PRUNE2: variants seen among roughly 807,000 people sequenced by gnomAD.
PRUNE2 encodes protein prune homolog 2.
A neutral mutation model predicts 252.0 loss-of-function variants in PRUNE2; 164 were observed. That is an observed-to-expected ratio of 0.65 (90% CI 0.57 to 0.74). The LOEUF is 0.74. PRUNE2 is among the 30% of genes least tolerant of loss of function. The probability of loss-of-function intolerance (pLI) is 0.00; values close to 1 mark genes in which losing one functional copy is unlikely to be tolerated. For synonymous variants in PRUNE2, 1,292 were observed against 1,350.2 expected, an observed-to-expected ratio of 0.96 and a Z score of 0.94; for missense variants, 3,495 against 3,711.0, an observed-to-expected ratio of 0.94 and a Z score of 1.51.
rs1244457764 is a variant in PRUNE2, at chr9:76,707,876, A to G, written c.4398T>C (p.Thr1466=). 4.3e-6 allele frequency: 7 copies of G among 1,613,720 alleles called. No individual in the cohort carries two copies. Among genetic ancestry groups the G allele is most frequent in the Non-Finnish European group, 5.1e-6 (6 of 1,179,800 alleles). Residue 1466 remains threonine (T), a synonymous_variant, in exon 8 of 19, where the codon ACT becomes ACC. Coordinates refer to ENST00000376718, the MANE Select transcript of PRUNE2 (RefSeq NM_015225.3). ...CTGGCTCTAGAAAGTTACATTCTTC[A>G]GTTTTCTCAAGATCCTTTTCAGGTA... is the stretch of plus-strand genomic sequence containing the variant. ...VSVPEKDLEK[T]EECNFLEPEN...
At chr9:76,702,609 G>GTGAATGAATGAATGAATGAATGAATGAA (rs59841123) in intron 9 of PRUNE2, among the ~76,000 whole-genome samples, 5 of 150,802 alleles carry the variant, frequency 3.3e-5, no homozygotes, top group South Asian at 2.1e-4. Context: ...AAACCACATG[G>GTGAATGAATGAATGAATGAATGAATGAA]TGAATGAATG....
At chr9:76,794,366 C>G (rs890980328) in intron 6 of PRUNE2, among the ~76,000 whole-genome samples, 6 of 152,130 alleles carry the variant, frequency 3.9e-5, no homozygotes, top group African/African-American at 1.4e-4. Context: ...CCTCTAATCC[C>G]AGCACTTTGG....
chr9:76,837,078 A>G (rs1394862619), intron 4 of PRUNE2, among the ~76,000 whole-genome samples: 2 of 152,224 alleles, frequency 1.3e-5, no homozygotes, highest in Non-Finnish European at 2.9e-5. Flanking sequence ...AGAGAAAAAC[A>G]TCAGCATGCA....
Position 76,649,680 on chromosome 9 carries a change from C to T in PRUNE2, c.8557+2803G>A, listed in dbSNP as rs111870102. Among the ~76,000 whole-genome samples the T allele has an allele frequency of 3.3e-3, 495 of 152,162 alleles. 2 individuals are homozygous for T. The highest frequency in any genetic ancestry group is 0.011 in the African/African-American group (466 of 41,532). ...TTTGTCTCAGTAAATATAAATCCTG[C>T]TCATTTTTAAGAGTAGCCCTCAAGT... On this transcript the variant is annotated intron_variant, in intron 11 of 18. Transcript: ENST00000376718.
chr9:76,905,869 C>T, intron 1 of PRUNE2, 59 bp downstream of exon 1: 1 of 1,608,446 alleles, frequency 6.2e-7, no homozygotes, highest in Non-Finnish European at 8.5e-7. Context: ...CTTTTCCTCT[C>T]CACCTTTCCA....
At chr9:76,793,839 C>T (rs1038545697) in intron 6 of PRUNE2, among the ~76,000 whole-genome samples, 27 of 152,124 alleles carry the variant, frequency 1.8e-4, no homozygotes, top group African/African-American at 6.0e-4. Flanking sequence ...TCTAGAATCC[C>T]AGTCTTTTAA....
intron 7 of PRUNE2, among the ~76,000 whole-genome samples, chr9:76,712,733 T>C (rs369581223): frequency 6.6e-6 from 1 of 152,058 alleles, no homozygotes; most frequent in Non-Finnish European, 1.5e-5. Context: ...AGGAAAGTGA[T>C]GAAAAAACCA....
intron 11 of PRUNE2, among the ~76,000 whole-genome samples, chr9:76,646,729 T>TTGTACACACCCTCCTTTCCCTCTAGTGAA: frequency 6.6e-6 from 1 of 152,180 alleles, no homozygotes; most frequent in African/African-American, 2.4e-5. Context: ...TCTGATGCTC[T>TTGTACACACCCTCCTTTCCCTCTAGTGAA]TGTACACACC....
chr9:76,791,594 C>A (rs1434170149), intron 6 of PRUNE2, among the ~76,000 whole-genome samples: 6 of 147,550 alleles, frequency 4.1e-5, no homozygotes, highest in Non-Finnish European at 6.0e-5. Context: ...TAATACTGCA[C>A]CAATTATCAT....
intron 1 of PRUNE2, among the ~76,000 whole-genome samples, chr9:76,902,117 G>A (rs945722016): frequency 1.3e-5 from 2 of 152,174 alleles, no homozygotes; most frequent in Non-Finnish European, 2.9e-5. Context: ...CAGAGCCTCA[G>A]AACTCTCTAC....
chr9:76,670,343 A>C (rs4335196), intron 9 of PRUNE2, among the ~76,000 whole-genome samples: 103,996 of 151,118 alleles, frequency 0.69, 36,884 homozygotes, highest in Non-Finnish European at 0.77. Flanking sequence ...GCTTTTCCAA[A>C]GGGCTTAAAA....
rs749505992 is a variant in PRUNE2, at chr9:76,711,005, A to G, written c.1269T>C (p.Leu423=). The part of the protein sequence containing the change: ...NQAQVDANVD[L]VSPDSGLATI... ...TAGCCAGTCCGCTGTCTGGGCTAACAAGGTCTACATTGGCATCCACCTGAG... is the reference window on the plus strand; with the variant it reads ...TAGCCAGTCCGCTGTCTGGGCTAACGAGGTCTACATTGGCATCCACCTGAG... Residue 423 remains leucine (L), a synonymous_variant, in exon 8 of 19, where the codon CTT becomes CTC. Coordinates refer to ENST00000376718, the MANE Select transcript of PRUNE2 (RefSeq NM_015225.3). The G allele has an allele frequency of 3.5e-5, 56 of 1,613,504 alleles. No individual in the cohort carries two copies. The highest frequency in any genetic ancestry group is 4.7e-5 in the Non-Finnish European group (56 of 1,179,710).
intron 6 of PRUNE2, among the ~76,000 whole-genome samples, chr9:76,733,884 G>T (rs1239195515): frequency 6.6e-6 from 1 of 150,874 alleles, no homozygotes; most frequent in Non-Finnish European, 1.5e-5. Flanking sequence ...GATCCAAAAA[G>T]ATTTTTTTTT....
intron 1 of PRUNE2, among the ~76,000 whole-genome samples, chr9:76,904,080 T>C (rs2063337337): frequency 6.6e-6 from 1 of 152,228 alleles, no homozygotes; most frequent in African/African-American, 2.4e-5. Context: ...ACACTAAAAG[T>C]GACCAACACA....
Position 76,663,543 on chromosome 9 carries a change from T to C in PRUNE2, c.8277-8041A>G, listed in dbSNP as rs1002736000. On this transcript the variant is annotated intron_variant, in intron 9 of 18. Coordinates refer to ENST00000376718, the MANE Select transcript of PRUNE2 (RefSeq NM_015225.3). ...ATTCTGCAGGGAGCAAAAAAATCAC[T>C]TGTAGCTCAATGATCCTCAAACATT... Among the ~76,000 whole-genome samples the C allele has an allele frequency of 1.1e-4, 16 of 152,182 alleles. 1 individual carries two copies. The highest frequency in any genetic ancestry group is 9.2e-4 in the Admixed American group (14 of 15,288).
At chr9:76,904,516 TTG>T (rs2063365509) in intron 1 of PRUNE2, among the ~76,000 whole-genome samples, 1 of 152,210 alleles carries the variant, frequency 6.6e-6, no homozygotes, top group Non-Finnish European at 1.5e-5. Context: ...GTTGCCAAAA[TTG>T]TCTTTCATTT....
chr9:76,793,171 G>A (rs577078360), intron 6 of PRUNE2, among the ~76,000 whole-genome samples: 49 of 152,322 alleles, frequency 3.2e-4, no homozygotes, highest in Non-Finnish European at 5.3e-4. Context: ...TTATACTGGA[G>A]GAAGTGGCAA....
At chr9:76,763,015 C>T (rs1242614924) in intron 6 of PRUNE2, among the ~76,000 whole-genome samples, 5 of 152,238 alleles carry the variant, frequency 3.3e-5, no homozygotes, top group African/African-American at 9.6e-5. Context: ...GACACATCCT[C>T]TACCGCAAAC....
At chr9:76,823,550 C>T (rs896696626) in intron 6 of PRUNE2, 82 bp downstream of exon 6, 1 of 826,724 alleles carries the variant, frequency 1.2e-6, no homozygotes, top group African/African-American at 1.7e-5. Flanking sequence ...TGGACTTATC[C>T]AATGGAGAGA....
Sources: gnomAD v4.1 joint callset for allele counts (sites outside exome capture counted in the v4.1 genomes callset) on GRCh38, gnomAD v4.1.1 for gene constraint, MANE v1.5 for transcripts, NCBI Gene and HGNC (gene_info 2026-07-23, HGNC 2026-07-21) for gene names.